The following NAALADL2 variants were observed in gnomAD, a reference collection of about 807,000 sequenced individuals.
The protein encoded by NAALADL2 is N-acetylated alpha-linked acidic dipeptidase like 2, also known as inactive N-acetylated-alpha-linked acidic dipeptidase-like protein 2.
NAALADL2 carries 76 observed loss-of-function variants against 87.2 expected under a neutral mutation model. The observed-to-expected ratio is 0.87, with a 90% CI of 0.72 to 1.05. The LOEUF (loss-of-function observed/expected upper bound fraction) is 1.05. Among genes scored for constraint, NAALADL2 ranks in the 50% least tolerant of loss-of-function variants. The pLI is 0.00. For missense variants in NAALADL2, 1,089 were observed against 945.8 expected (o/e 1.15, Z -1.99); for synonymous variants, 354 against 331.0 (o/e 1.07, Z -0.75).
At chr3:175,114,524 A>G (rs951993467) in intron 2 of NAALADL2, among the ~76,000 whole-genome samples, 2 of 151,692 alleles carry the variant, frequency 1.3e-5, no homozygotes, top group Non-Finnish European at 3.0e-5. Context: ...TGCTAAACAT[A>G]TAAGTGTTTT....
chr3:174,586,875 G>T (rs1716782256), intron 2 of NAALADL2, among the ~76,000 whole-genome samples: 1 of 151,948 alleles, frequency 6.6e-6, no homozygotes, highest in Admixed American at 6.6e-5. Context: ...GGGTACATGT[G>T]CACAACATGC....
rs143213348 is a variant in NAALADL2 at position 174,837,782 on chromosome 3, C to T, written c.-9+100036C>T. 1.6e-3 allele frequency among the ~76,000 whole-genome samples: 243 copies of T among 151,672 alleles called. 1 individual carries two copies. The highest frequency in any genetic ancestry group is 7.4e-3 in the East Asian group (38 of 5,130). ...GCACTGCAGCCTGGGTGATAGAGTG[C>T]GACTCTGTCTCAAAAAAAACAAACA... On this transcript the variant is annotated intron_variant, in intron 3 of 3. Transcript: ENST00000434257.
At chr3:175,619,396 GA>G (rs369386266) in intron 10 of NAALADL2, among the ~76,000 whole-genome samples, 5 of 140,168 alleles carry the variant, frequency 3.6e-5, no homozygotes, top group Non-Finnish European at 3.1e-5. Context: ...CTCCCAAAAG[GA>G]AAAAAAAATA....
chr3:174,622,984 A>C (rs1721178273), intron 2 of NAALADL2, among the ~76,000 whole-genome samples: 1 of 152,216 alleles, frequency 6.6e-6, no homozygotes. Context: ...CGGAGCTTGC[A>C]GTGAGCCAAG....
chr3:174,904,125 A>G (rs1732676883), intron 1 of NAALADL2, among the ~76,000 whole-genome samples: 1 of 151,786 alleles, frequency 6.6e-6, no homozygotes, highest in African/African-American at 2.4e-5. Context: ...AATTTAAACC[A>G]GTCTCCTAGA....
chr3:175,400,165 A>G (rs1770385382), intron 5 of NAALADL2, among the ~76,000 whole-genome samples: 1 of 151,964 alleles, frequency 6.6e-6, no homozygotes. Context: ...CAGAAAAGAG[A>G]AAAAAAATCA....
intron 5 of NAALADL2, among the ~76,000 whole-genome samples, chr3:175,407,449 C>G (rs1369223759): frequency 6.6e-6 from 1 of 152,128 alleles, no homozygotes; most frequent in Non-Finnish European, 1.5e-5. Context: ...GCAAAGCACT[C>G]TATATGTTTT....
chr3:175,079,449 T>G (rs1717304091), intron 1 of NAALADL2: 1 of 152,326 alleles, frequency 6.6e-6, no homozygotes, highest in Middle Eastern at 3.4e-3. Context: ...ATTCATCTTT[T>G]TTGTTGTTGT....
chr3:175,674,254 T>G lies in NAALADL2; in HGVS notation c.1896+46868T>G, dbSNP rs964627596. 2.2e-3 allele frequency among the ~76,000 whole-genome samples: 327 copies of G among 149,236 alleles called. 2 individuals carry two copies. Among genetic ancestry groups the G allele is most frequent in the African/African-American group, 7.6e-3 (296 of 38,822 alleles). On this transcript the variant is annotated intron_variant, in intron 11 of 13. Transcript: ENST00000454872. ...TGATTTCCAACTGATAGTGTTTTTT[T>G]TTTTTGTTTGTTTTGTTTTTTTTGA...
At chr3:174,812,978 T>A (rs1355306501) in intron 3 of NAALADL2, among the ~76,000 whole-genome samples, 1 of 152,188 alleles carries the variant, frequency 6.6e-6, no homozygotes, top group Non-Finnish European at 1.5e-5. Context: ...TAATTTTTTA[T>A]TGAATAAAGA....
chr3:175,774,186 G>T (rs568294756), intron 13 of NAALADL2, among the ~76,000 whole-genome samples: 2 of 151,970 alleles, frequency 1.3e-5, no homozygotes, highest in Non-Finnish European at 2.9e-5. Flanking sequence ...ATGATGAAAG[G>T]CCTCAGCAGT....
At chr3:174,796,862 T>C (rs1718166864) in intron 3 of NAALADL2, among the ~76,000 whole-genome samples, 1 of 151,970 alleles carries the variant, frequency 6.6e-6, no homozygotes, top group Non-Finnish European at 1.5e-5. Context: ...TTTGAGTTGT[T>C]TGTATTCCTT....
At chr3:175,526,104 A>G (rs994152914) in intron 9 of NAALADL2, among the ~76,000 whole-genome samples, 26 of 152,344 alleles carry the variant, frequency 1.7e-4, no homozygotes, top group Non-Finnish European at 2.2e-4. Context: ...CTTTTTAAAA[A>G]TGAGGACAGT....
At position 175,810,371 on chromosome 3, in the gene NAALADL2, TAA is replaced by T. The variant is rs1164719038; in HGVS notation, c.*7169_*7170del. On this transcript the variant is annotated 3_prime_UTR_variant, in exon 14 of 14. Transcript: ENST00000454872. ...TGAGATACCACATCCATTAAAAATA[TAA>T]GTGAATATTTTATATTTAAGTTGTT... The T allele has an allele frequency of 2.6e-5, 4 of 152,064 alleles. No homozygotes were observed. The highest frequency in any genetic ancestry group is 4.4e-5 in the Non-Finnish European group (3 of 67,974). The allele number at this position is 152,064 out of a possible 1,614,324, so 9.4% of individuals were successfully genotyped here.
At chr3:175,128,539 A>G (rs1035875324) in intron 2 of NAALADL2, among the ~76,000 whole-genome samples, 2 of 152,104 alleles carry the variant, frequency 1.3e-5, no homozygotes, top group Admixed American at 1.3e-4. Context: ...CTGTATTCTC[A>G]TCATTGCAGA....
At chr3:175,096,495 CGTGTGTGT>C (rs3067035) in intron 1 of NAALADL2, among the ~76,000 whole-genome samples, 47,673 of 143,130 alleles carry the variant, frequency 0.33, 7,956 homozygotes, top group East Asian at 0.42. Context: ...ATTAATGGGG[CGTGTGTGT>C]GTGTGTGTGT....
intron 10 of NAALADL2, among the ~76,000 whole-genome samples, chr3:175,578,856 G>T (rs1474298511): frequency 6.6e-6 from 1 of 152,232 alleles, no homozygotes; most frequent in Non-Finnish European, 1.5e-5. Flanking sequence ...AATGGGCACT[G>T]CTCACTAGCC....
intron 2 of NAALADL2, among the ~76,000 whole-genome samples, chr3:174,607,263 A>G (rs1373618321): frequency 6.6e-6 from 1 of 152,070 alleles, no homozygotes; most frequent in Non-Finnish European, 1.5e-5. Context: ...ATCAACTAAC[A>G]AGCAAATCAA....
rs143747874 is a variant in NAALADL2 at position 175,781,176 on chromosome 3, T to A, written c.2190-21829T>A. Among the ~76,000 whole-genome samples, 4 of 152,358 alleles carry A rather than the reference T, an allele frequency of 2.6e-5. No individual in the cohort carries two copies. The East Asian group carries it at 7.7e-4, about 29-fold the overall frequency. ...AATTTATATCCTCCTACTTTCAAGT[T>A]ATTTCTCAAATTGACAAATGCTTTT... On this transcript the variant is annotated intron_variant, in intron 13 of 13. Transcript: ENST00000454872.
Sources: gnomAD v4.1 joint callset for allele counts (sites outside exome capture counted in the v4.1 genomes callset) on GRCh38, gnomAD v4.1.1 for gene constraint, MANE v1.5 for transcripts, NCBI Gene and HGNC (gene_info 2026-07-23, HGNC 2026-07-21) for gene names.